CPEB3: variants seen among roughly 807,000 people sequenced by gnomAD.
CPEB3 encodes cytoplasmic polyadenylation element binding protein 3.
Under a neutral mutation model 67.2 loss-of-function variants are expected in CPEB3, and 20 were observed. The ratio of observed to expected loss-of-function variants is 0.30; its 90% CI spans 0.21 to 0.43. CPEB3 has a LOEUF of 0.43. Ranked by LOEUF, CPEB3 falls within the 20% of genes least tolerant of loss-of-function variation. The pLI, the probability that CPEB3 is intolerant of heterozygous loss-of-function variation, is 1.00. For synonymous variants in CPEB3, 376 were observed against 393.1 expected, an observed-to-expected ratio of 0.96 and a Z score of 0.51; for missense variants, 746 against 968.6, an observed-to-expected ratio of 0.77 and a Z score of 3.05.
At chr10:92,089,292 CTAA>C (rs1409371427) in intron 8 of CPEB3, among the ~76,000 whole-genome samples, 2 of 151,522 alleles carry the variant, frequency 1.3e-5, no homozygotes, top group Non-Finnish European at 2.9e-5. Context: ...ACATGGCCCT[CTAA>C]ACTAGAAGTC....
At chr10:92,225,054 A>C (rs952354158) in intron 2 of CPEB3, among the ~76,000 whole-genome samples, 1 of 151,156 alleles carries the variant, frequency 6.6e-6, no homozygotes, top group Non-Finnish European at 1.5e-5. Flanking sequence ...GGCTCACTGC[A>C]ACCTCCACCT....
rs1844718179 is a variant in CPEB3 at position 92,111,105 on chromosome 10, C to T, written c.1543G>A (p.Val515Met). The T allele has an allele frequency of 1.2e-6, 2 of 1,613,868 alleles. No individual in the cohort carries two copies. Among genetic ancestry groups the T allele is most frequent in the Non-Finnish European group, 1.7e-6 (2 of 1,179,860 alleles). ...TTGTCCTTGATGGTGGGGCTTGACA[C>T]ACACAGGTAGAGTTTCCCATCTTCT... is the stretch of plus-strand genomic sequence containing the variant. ...LEEDGKLYLCVSSPTIKDKPV... is the reference protein window; with the variant it reads ...LEEDGKLYLCMSSPTIKDKPV... The change falls in exon 7 of 10, where the codon GTG becomes ATG. Residue 515 changes from valine to methionine, a missense_variant. By Grantham distance (21) the Val-to-Met change is conservative. This residue lies in a region of CPEB3 where 643 missense variants were observed against 717.5 expected (regional missense o/e 0.90). Coordinates refer to ENST00000265997, the MANE Select transcript of CPEB3 (RefSeq NM_014912.5).
chr10:92,284,024 GC>G (rs1393439515), intron 1 of CPEB3, among the ~76,000 whole-genome samples: 2 of 146,490 alleles, frequency 1.4e-5, no homozygotes, highest in African/African-American at 2.5e-5. Context: ...ACTGTGCCCG[GC>G]CCAGAATGGG....
chr10:92,181,169 A>C (rs777158049), intron 3 of CPEB3, 150 bp from the exon 4 acceptor site: 1 of 509,464 alleles, frequency 2.0e-6, no homozygotes, highest in African/African-American at 2.0e-5. Flanking sequence ...TTTAAAAATT[A>C]AGTCATAAAA....
At chr10:92,177,497 ATT>A (rs1848274511) in intron 4 of CPEB3, among the ~76,000 whole-genome samples, 1 of 152,164 alleles carries the variant, frequency 6.6e-6, no homozygotes, top group Non-Finnish European at 1.5e-5. Flanking sequence ...TGGCCTGCCA[ATT>A]CTTACTATTA....
At position 92,286,749 on chromosome 10, in the gene CPEB3, T is replaced by C. The variant is rs534794711; in HGVS notation, c.-12+4177A>G. Among the ~76,000 whole-genome samples the C allele has an allele frequency of 2.1e-3, 313 of 152,296 alleles. 1 individual carries two copies. Among genetic ancestry groups the C allele is most frequent in the Non-Finnish European group, 3.5e-3 (236 of 68,030 alleles). ...TATCACCAAATTTGGCAATTGACAG[T>C]TCTCCTTAGAAGGCACCTAAAAATA... On this transcript the variant is annotated intron_variant, in intron 1 of 9. Transcript: ENST00000265997.
chr10:92,199,162 C>T (rs1346020181), intron 2 of CPEB3, among the ~76,000 whole-genome samples: 3 of 151,960 alleles, frequency 2.0e-5, no homozygotes, highest in Non-Finnish European at 4.4e-5. Flanking sequence ...GAGGCTGAGG[C>T]AGGCGGATCA....
intron 2 of CPEB3, among the ~76,000 whole-genome samples, chr10:92,214,357 A>C (rs1850239416): frequency 6.6e-6 from 1 of 152,182 alleles, no homozygotes; most frequent in Non-Finnish European, 1.5e-5. Context: ...CCAGACATCA[A>C]ACCCACTGGC....
intron 2 of CPEB3, among the ~76,000 whole-genome samples, chr10:92,213,484 G>A (rs1354968315): frequency 2.6e-5 from 4 of 152,146 alleles, no homozygotes; most frequent in Admixed American, 1.3e-4. Context: ...ATCCATACTT[G>A]TAGCAATCTA....
chr10:92,286,813 T>C (rs1423295559), intron 1 of CPEB3, among the ~76,000 whole-genome samples: 1 of 152,176 alleles, frequency 6.6e-6, no homozygotes, highest in East Asian at 1.9e-4. Context: ...GGCCCCTTTA[T>C]GGTAGACAGT....
chr10:92,119,140 C>T, intron 6 of CPEB3: 1 of 1,584,432 alleles, frequency 6.3e-7, no homozygotes, highest in Non-Finnish European at 8.7e-7. Context: ...CTGTGTTGTC[C>T]TCTGTAGGGC....
chr10:92,121,107 C>A (rs928235241), intron 6 of CPEB3, among the ~76,000 whole-genome samples: 1 of 151,716 alleles, frequency 6.6e-6, no homozygotes, highest in Non-Finnish European at 1.5e-5. Flanking sequence ...CTCCTGGGTT[C>A]AAGAGATTCT....
At chr10:92,209,808 G>A (rs1434142390) in intron 2 of CPEB3, among the ~76,000 whole-genome samples, 1 of 151,414 alleles carries the variant, frequency 6.6e-6, no homozygotes, top group East Asian at 2.0e-4. Flanking sequence ...GTGGTAGCAG[G>A]CGCCTGTAAT....
At chr10:92,075,943 C>T (rs1255815288) in intron 9 of CPEB3, among the ~76,000 whole-genome samples, 1 of 152,198 alleles carries the variant, frequency 6.6e-6, no homozygotes, top group African/African-American at 2.4e-5. Context: ...GTACCTTCCA[C>T]ACTGTACACA....
chr10:92,231,664 C>G (rs1231794906), intron 2 of CPEB3, among the ~76,000 whole-genome samples: 1 of 152,132 alleles, frequency 6.6e-6, no homozygotes, highest in African/African-American at 2.4e-5. Flanking sequence ...TGTATGCTCC[C>G]CTCCATCTAA....
At chr10:92,206,369 G>A (rs911404472) in intron 2 of CPEB3, among the ~76,000 whole-genome samples, 2 of 152,052 alleles carry the variant, frequency 1.3e-5, no homozygotes, top group African/African-American at 4.8e-5. Context: ...CACCACACCC[G>A]GCCTCAGAAA....
intron 1 of CPEB3, among the ~76,000 whole-genome samples, chr10:92,267,452 GCAGTCAGCAGC>G (rs1469049564): frequency 6.6e-6 from 1 of 152,176 alleles, no homozygotes; most frequent in Non-Finnish European, 1.5e-5. Context: ...GGTGTGAAAG[GCAGTCAGCAGC>G]CAGATCATAG....
chr10:92,282,135 C>G (rs1481610036), intron 1 of CPEB3, among the ~76,000 whole-genome samples: 6 of 152,068 alleles, frequency 3.9e-5, no homozygotes, highest in Non-Finnish European at 8.8e-5. Context: ...CATTGCATGG[C>G]CCAGGGATAC....
chr10:92,201,726 AACCT>A (rs1358351930), intron 2 of CPEB3, among the ~76,000 whole-genome samples: 1 of 152,214 alleles, frequency 6.6e-6, no homozygotes, highest in African/African-American at 2.4e-5. Flanking sequence ...GGGGGAGCTT[AACCT>A]TTGCTATCAA....
Sources: allele counts gnomAD v4.1 joint callset (sites outside exome capture counted in the v4.1 genomes callset), GRCh38; gene constraint gnomAD v4.1.1; regional missense constraint gnomAD v4.1.1; transcripts MANE v1.5; gene names NCBI Gene and HGNC (gene_info 2026-07-23, HGNC 2026-07-21).